The following CCDC178 variants were observed in gnomAD, a reference collection of about 807,000 sequenced individuals.
CCDC178 encodes coiled-coil domain containing 178.
CCDC178 carries 126 observed loss-of-function variants against 117.4 expected under a neutral mutation model. That is an observed-to-expected ratio of 1.07 (90% CI 0.93 to 1.24). CCDC178 has a LOEUF of 1.24. Ranked by LOEUF, CCDC178 falls within the 50% of genes most tolerant of loss-of-function variation. The pLI is 0.00. For synonymous variants in CCDC178, 283 were observed against 313.4 expected (o/e 0.90, Z 1.02); for missense variants, 1,030 against 986.9 (o/e 1.04, Z -0.59).
chr18:32,968,575 C>T (rs1364505612), intron 22 of CCDC178, among the ~76,000 whole-genome samples: 2 of 151,928 alleles, frequency 1.3e-5, no homozygotes, highest in Non-Finnish European at 2.9e-5. Context: ...TGAGGAATCT[C>T]CATACTGTTT....
intron 6 of CCDC178, among the ~76,000 whole-genome samples, chr18:33,369,097 T>C (rs1461718261): frequency 6.6e-6 from 1 of 151,872 alleles, no homozygotes; most frequent in Non-Finnish European, 1.5e-5. Context: ...CTATAAAGCA[T>C]TTCCTGAAGG....
chr18:33,333,506 CTTTTTTTTTTTT>C (rs11361411), intron 9 of CCDC178, 112 bp from the exon 10 acceptor site: 16 of 152,916 alleles, frequency 1.0e-4, no homozygotes, highest in Non-Finnish European at 1.8e-4. Context: ...AATCTTACTA[CTTTTTTTTTTTT>C]TTTTTTTTTT....
At chr18:33,435,363 T>A (rs1486325801) in intron 2 of CCDC178, among the ~76,000 whole-genome samples, 1 of 152,114 alleles carries the variant, frequency 6.6e-6, no homozygotes. Flanking sequence ...TGCAGAAAAG[T>A]CTTTTGGACA....
chr18:32,966,703 A>C (rs1050787006), intron 22 of CCDC178, among the ~76,000 whole-genome samples: 3 of 151,776 alleles, frequency 2.0e-5, no homozygotes, highest in South Asian at 2.1e-4. Flanking sequence ...TTTTGTTCGG[A>C]TTTTGAGTAT....
At chr18:33,083,974 G>T (rs2057338160) in intron 21 of CCDC178, among the ~76,000 whole-genome samples, 1 of 152,118 alleles carries the variant, frequency 6.6e-6, no homozygotes, top group Non-Finnish European at 1.5e-5. Flanking sequence ...ATTTGCAATT[G>T]CCCACAAACA....
intron 22 of CCDC178, among the ~76,000 whole-genome samples, chr18:32,959,399 T>G (rs978690209): frequency 6.6e-6 from 1 of 152,126 alleles, no homozygotes; most frequent in Non-Finnish European, 1.5e-5. Flanking sequence ...GTGTACACTT[T>G]CTATGAAACA....
intron 9 of CCDC178, among the ~76,000 whole-genome samples, chr18:33,336,152 T>C (rs1297653044): frequency 2.0e-5 from 3 of 152,156 alleles, no homozygotes; most frequent in African/African-American, 4.8e-5. Context: ...TTCCATTGTA[T>C]AAGAGAAACA....
chr18:33,032,982 T>C (rs1009619539), intron 21 of CCDC178, among the ~76,000 whole-genome samples: 4 of 152,204 alleles, frequency 2.6e-5, no homozygotes, highest in African/African-American at 9.6e-5. Context: ...TAAAATGTCA[T>C]GCACCTTTCT....
intron 20 of CCDC178, among the ~76,000 whole-genome samples, chr18:33,138,681 T>C (rs1733537467): frequency 6.6e-6 from 1 of 152,290 alleles, no homozygotes; most frequent in East Asian, 1.9e-4. Flanking sequence ...TAATTTAATA[T>C]TGACCCAATT....
chr18:33,430,107 C>CA (rs199500968), intron 2 of CCDC178, among the ~76,000 whole-genome samples: 8 of 151,782 alleles, frequency 5.3e-5, no homozygotes, highest in South Asian at 2.1e-4. Flanking sequence ...GAGTTATCTA[C>CA]AAAAAAAATA....
chr18:33,150,181 C>A (rs1035997116), intron 20 of CCDC178, among the ~76,000 whole-genome samples: 1 of 151,994 alleles, frequency 6.6e-6, no homozygotes, highest in African/African-American at 2.4e-5. Flanking sequence ...ACTGGGAGGC[C>A]ACATGTAGAA....
chr18:33,208,258 T>TC (rs1288785227), intron 20 of CCDC178, among the ~76,000 whole-genome samples: 1 of 152,110 alleles, frequency 6.6e-6, no homozygotes, highest in African/African-American at 2.4e-5. Context: ...AGGAAGGTTG[T>TC]CATTAAGGCA....
chr18:33,072,691 A>G lies in CCDC178; in HGVS notation c.2388+20070T>C, dbSNP rs547464355. Among the ~76,000 whole-genome samples the G allele has an allele frequency of 1.4e-3, 213 of 152,306 alleles. 1 individual carries two copies. Among genetic ancestry groups the G allele is most frequent in the African/African-American group, 4.4e-3 (182 of 41,586 alleles). On this transcript the variant is annotated intron_variant, in intron 21 of 22. Coordinates refer to ENST00000383096, the MANE Select transcript of CCDC178 (RefSeq NM_001105528.4). ...TTTAAATTTATAAGTATATATTTTA[A>G]GGGATACTGCAGAGTTTTGCCAATT...
chr18:33,149,402 A>G (rs1266327652), intron 20 of CCDC178, among the ~76,000 whole-genome samples: 2 of 152,240 alleles, frequency 1.3e-5, no homozygotes, highest in African/African-American at 2.4e-5. Context: ...ATGTGGAGCT[A>G]TGTGAACAAA....
At chr18:33,086,511 A>C (rs2057381066) in intron 21 of CCDC178, among the ~76,000 whole-genome samples, 1 of 151,660 alleles carries the variant, frequency 6.6e-6, no homozygotes, top group Admixed American at 6.6e-5. Context: ...TAATCTACTA[A>C]ACACCAAGTC....
At chr18:33,368,894 C>T (rs2063257681) in intron 6 of CCDC178, among the ~76,000 whole-genome samples, 1 of 151,688 alleles carries the variant, frequency 6.6e-6, no homozygotes, top group African/African-American at 2.4e-5. Flanking sequence ...TACCATTATA[C>T]CATTTTAATA....
chr18:33,213,950 C>A (rs1036207090), intron 19 of CCDC178, among the ~76,000 whole-genome samples: 15 of 152,000 alleles, frequency 9.9e-5, no homozygotes, highest in Admixed American at 9.9e-4. Flanking sequence ...GGCAGTATGC[C>A]CACTATGAGT....
chr18:33,412,513 A>G (rs973948931), intron 2 of CCDC178, among the ~76,000 whole-genome samples: 1 of 152,084 alleles, frequency 6.6e-6, no homozygotes, highest in East Asian at 1.9e-4. Context: ...CCTTTTTAAA[A>G]TATTTTAAGA....
At chr18:33,143,009 A>T (rs2058226021) in intron 20 of CCDC178, among the ~76,000 whole-genome samples, 1 of 152,182 alleles carries the variant, frequency 6.6e-6, no homozygotes, top group Non-Finnish European at 1.5e-5. Flanking sequence ...TCTCCTTATT[A>T]AAATATCACT....
Sources: gnomAD v4.1 joint callset for allele counts (sites outside exome capture counted in the v4.1 genomes callset) on GRCh38, gnomAD v4.1.1 for gene constraint, MANE v1.5 for transcripts, NCBI Gene and HGNC (gene_info 2026-07-23, HGNC 2026-07-21) for gene names.